Variants in SHE observed in about 807,000 individuals in gnomAD.
The protein encoded by SHE is SH2 domain-containing adapter protein E.
SHE carries 11 observed loss-of-function variants against 49.8 expected under a neutral mutation model. That is an observed-to-expected ratio of 0.22 (90% CI 0.14 to 0.37). The LOEUF (loss-of-function observed/expected upper bound fraction) is 0.37, where lower values mean the gene tolerates loss of function less well. Ranked by LOEUF, SHE falls within the 10% of genes least tolerant of loss-of-function variation. The pLI, the probability that SHE is intolerant of heterozygous loss-of-function variation, is 1.00. For missense variants in SHE, 624 were observed against 655.5 expected (o/e 0.95, Z 0.52); for synonymous variants, 310 against 278.1 (o/e 1.11, Z -1.14).
chr1:154,500,306 C>T (rs4845377), intron 1 of SHE, among the ~76,000 whole-genome samples: 1 of 152,220 alleles, frequency 6.6e-6, no homozygotes, highest in Non-Finnish European at 1.5e-5. Flanking sequence ...TCTAGTCACA[C>T]AGTCAGGTGG....
chr1:154,477,015 C>A (rs149539904), downstream of SHE, among the ~76,000 whole-genome samples: 2 of 152,334 alleles, frequency 1.3e-5, no homozygotes, highest in Non-Finnish European at 2.9e-5. Context: ...ATGCCTCACA[C>A]TGAATCTCCT....
In SHE at chr1:154,481,056, G is replaced by A. The variant is rs1047286690; in HGVS notation, c.*3093C>T. The A allele has an allele frequency of 1.0e-6, 1 of 985,310 alleles. No individual in the cohort carries two copies. Among genetic ancestry groups the A allele is most frequent in the African/African-American group, 1.7e-5 (1 of 57,238 alleles). The allele number at this position is 985,310 out of a possible 1,614,324, so 61.0% of individuals were successfully genotyped here. ...TAACTCGAAGGAATGAGGACTACAG[G>A]AAAATACTTGTCTCAAGACAAAATG... On this transcript the variant is annotated 3_prime_UTR_variant, in exon 6 of 6. Transcript: ENST00000304760.
At chr1:154,470,115 G>C (rs890575086) in exon 2 of SHE, 7 of 360,948 alleles carry the variant, frequency 1.9e-5, no homozygotes, top group African/African-American at 1.5e-4. Context: ...GACAGGTGAT[G>C]GTGGCCGCCA....
chr1:154,487,678 C>A (rs1171118392), intron 3 of SHE, among the ~76,000 whole-genome samples: 4 of 151,212 alleles, frequency 2.6e-5, no homozygotes. Flanking sequence ...ACAGTGAGAC[C>A]CCATCTCTAA....
At chr1:154,470,415 C>G in intron 1 of SHE, 3 of 1,286,922 alleles carry the variant, frequency 2.3e-6, no homozygotes, top group Non-Finnish European at 3.0e-6. Flanking sequence ...TCTAAGAAAG[C>G]ATTTTCCTTA....
downstream of SHE, chr1:154,479,338 G>A (rs931917869): frequency 9.6e-6 from 2 of 208,246 alleles, no homozygotes; most frequent in Admixed American, 6.5e-5. Flanking sequence ...GATAGAATCT[G>A]CTGGTTATGT....
At chr1:154,501,141 G>C (rs374422571) in intron 1 of SHE, among the ~76,000 whole-genome samples, 1 of 152,056 alleles carries the variant, frequency 6.6e-6, no homozygotes. Flanking sequence ...ATCTATAAAG[G>C]GGTCAAATGT....
intron 2 of SHE, among the ~76,000 whole-genome samples, chr1:154,495,253 T>C (rs1692489947): frequency 6.6e-6 from 1 of 152,370 alleles, no homozygotes; most frequent in Non-Finnish European, 1.5e-5. Context: ...AAACTCCTAA[T>C]GCTAGATTAT....
At chr1:154,487,694 T>TA (rs1467354756) in intron 3 of SHE, among the ~76,000 whole-genome samples, 2 of 150,466 alleles carry the variant, frequency 1.3e-5, no homozygotes, top group African/African-American at 4.9e-5. Flanking sequence ...TCTAAAAAAT[T>TA]AAAGAATAAT....
intron 1 of SHE, among the ~76,000 whole-genome samples, chr1:154,473,582 T>G (rs1339456201): frequency 6.6e-6 from 1 of 151,924 alleles, no homozygotes; most frequent in Admixed American, 6.6e-5. Context: ...GTGGATGGAT[T>G]GCTTGAGCCC....
chr1:154,501,755 C>T lies in SHE; in HGVS notation c.272G>A (p.Ser91Asn). ...CTTGGGGCCGACGCCGGCCCTGCCG[C>T]TCCCCAGCTCGGCCGCCGAGTTCTT... is the stretch of plus-strand genomic sequence containing the variant. ...GRKNSAAELG[S>N]GRAGVGPKDS... The change falls in exon 1 of 6, where the codon AGC (serine) becomes AAC (asparagine). Residue 91 changes from serine (S) to asparagine (N), a missense_variant. Physicochemically the swap from Ser to Asn is conservative, Grantham distance 46. Coordinates refer to ENST00000304760, the MANE Select transcript of SHE (RefSeq NM_001010846.3). 6.4e-7 allele frequency: 1 copy of T among 1,570,414 alleles called. No individual in the cohort carries two copies. The highest frequency in any genetic ancestry group is 8.6e-7 in the Non-Finnish European group (1 of 1,163,458).
chr1:154,499,339 T>A, intron 1 of SHE, 101 bp from the exon 2 acceptor site: 1 of 1,348,970 alleles, frequency 7.4e-7, no homozygotes, highest in Non-Finnish European at 1.0e-6. Context: ...TCCAAGGAGG[T>A]CAAAATCTCT....
intron 1 of SHE, among the ~76,000 whole-genome samples, chr1:154,472,398 T>C (rs1277866397): frequency 1.3e-5 from 2 of 152,212 alleles, no homozygotes; most frequent in Admixed American, 6.5e-5. Context: ...GGCTTCACCC[T>C]CAGGGATTCC....
intron 2 of SHE, among the ~76,000 whole-genome samples, chr1:154,489,977 G>A (rs1468949775): frequency 6.6e-6 from 1 of 152,228 alleles, no homozygotes; most frequent in Non-Finnish European, 1.5e-5. Context: ...ATGGCTGTAT[G>A]TGACTCGAAG....
In SHE at chr1:154,480,348, T is replaced by G; in HGVS notation, c.*3801A>C. 1.0e-6 allele frequency: 1 copy of G among 985,404 alleles called. No homozygotes were observed. The highest frequency in any genetic ancestry group is 1.7e-5 in the African/African-American group (1 of 57,342). The allele number at this position is 985,404 out of a possible 1,614,324, so 61.0% of individuals were successfully genotyped here. A position where few individuals can be genotyped will look rare whatever the true frequency, so the allele number is the denominator to read the frequency against. ...GAGAAACAAGGGGCTAACCTTTGAC[T>G]GAAAAAGGGCATCTGACAGAACAGA... On this transcript the variant is annotated 3_prime_UTR_variant, in exon 6 of 6. Coordinates refer to ENST00000304760, the MANE Select transcript of SHE (RefSeq NM_001010846.3).
At position 154,479,614 on chromosome 1, in the gene SHE, C is replaced by T. The variant is rs1324020543; in HGVS notation, c.*4535G>A. ...ATTTCTGATTTAAATTACTAAGGCA[C>T]TATAGATAGACACCTATATTACATA... On this transcript the variant is annotated 3_prime_UTR_variant, in exon 6 of 6. Transcript: ENST00000304760. 9.3e-6 allele frequency: 9 copies of T among 963,376 alleles called. No homozygotes were observed. The highest frequency in any genetic ancestry group is 1.1e-5 in the Non-Finnish European group (9 of 810,018). 59.7% of individuals were successfully genotyped at this position (963,376 alleles called of 1,614,324 possible).
intron 2 of SHE, among the ~76,000 whole-genome samples, chr1:154,493,957 G>A (rs999955671): frequency 2.0e-5 from 3 of 152,230 alleles, no homozygotes; most frequent in Non-Finnish European, 4.4e-5. Context: ...CAGTTATGGT[G>A]AGGCCAATTA....
intron 2 of SHE, among the ~76,000 whole-genome samples, chr1:154,495,038 C>T (rs1254472296): frequency 6.6e-6 from 1 of 152,216 alleles, no homozygotes; most frequent in Non-Finnish European, 1.5e-5. Context: ...GGCGACACAG[C>T]GAGACTCCGT....
chr1:154,489,147 G>C lies in SHE; in HGVS notation c.928C>G (p.Pro310Ala). 6.2e-7 allele frequency: 1 copy of C among 1,614,036 alleles called. No individual in the cohort carries two copies. The highest frequency in any genetic ancestry group is 2.2e-5 in the East Asian group (1 of 44,876). ...GPRAEGKARP[P>A]DSRLPENDER... is the part of the protein sequence containing the mutation. ...TCGTTCTCGGGCAGCCGGCTGTCTG[G>C]GGGCCGCGCCTTCCCCTCTGCCCTG... is the stretch of plus-strand genomic sequence containing the variant. Residue 310 changes from proline (P) to alanine (A), a missense_variant, in exon 3 of 6, where the codon CCA (proline) becomes GCA (alanine). This residue lies in a region of SHE where 155 missense variants were observed against 142.0 expected (regional missense o/e 1.09). Transcript: ENST00000304760.
Sources: allele counts gnomAD v4.1 joint callset (sites outside exome capture counted in the v4.1 genomes callset), GRCh38; gene constraint gnomAD v4.1.1; regional missense constraint gnomAD v4.1.1; transcripts MANE v1.5; gene names NCBI Gene and HGNC (gene_info 2026-07-23, HGNC 2026-07-21).